ATG10: variants seen among roughly 807,000 people sequenced by gnomAD.
ATG10 encodes the protein ubiquitin-like-conjugating enzyme ATG10.
A neutral mutation model predicts 32.1 loss-of-function variants in ATG10; 30 were observed. That is an observed-to-expected ratio of 0.94 (90% CI 0.70 to 1.27). The LOEUF is 1.27. ATG10 is among the 50% of genes most tolerant of loss of function. ATG10 has a pLI of 0.00. For synonymous variants in ATG10, 87 were observed against 91.5 expected (o/e 0.95, Z 0.28); for missense variants, 233 against 262.3 (o/e 0.89, Z 0.77).
intron 5 of ATG10, among the ~76,000 whole-genome samples, chr5:82,185,887 T>C (rs1206543633): frequency 6.6e-6 from 1 of 152,238 alleles, no homozygotes; most frequent in African/African-American, 2.4e-5. Flanking sequence ...TTTAGGCATC[T>C]CTTTTACACA....
chr5:82,088,395 A>G (rs546208825), intron 3 of ATG10, among the ~76,000 whole-genome samples: 1 of 152,310 alleles, frequency 6.6e-6, no homozygotes, highest in African/African-American at 2.4e-5. Flanking sequence ...TAGAGAAGGG[A>G]AAAATTGCAA....
intron 5 of ATG10, among the ~76,000 whole-genome samples, chr5:82,216,799 G>A (rs1745698357): frequency 6.6e-6 from 1 of 152,196 alleles, no homozygotes; most frequent in Admixed American, 6.5e-5. Flanking sequence ...GCTCATGCCT[G>A]TAATCCCAGC....
intron 5 of ATG10, among the ~76,000 whole-genome samples, chr5:82,199,882 A>G (rs1398691581): frequency 6.6e-6 from 1 of 152,154 alleles, no homozygotes; most frequent in Non-Finnish European, 1.5e-5. Context: ...AATGTCATAT[A>G]TGGATTTCTA....
chr5:82,206,341 A>G (rs139548329), intron 5 of ATG10, among the ~76,000 whole-genome samples: 167 of 152,236 alleles, frequency 1.1e-3, no homozygotes, highest in African/African-American at 3.9e-3. Flanking sequence ...TGTATATCAA[A>G]GGAACTGATT....
intron 7 of ATG10, among the ~76,000 whole-genome samples, chr5:82,253,858 G>A (rs1454814923): frequency 6.6e-6 from 1 of 152,106 alleles, no homozygotes; most frequent in Non-Finnish European, 1.5e-5. Flanking sequence ...TCTCCCATTC[G>A]GTCTGTGAAA....
chr5:82,226,187 A>T (rs1746123530), intron 5 of ATG10, among the ~76,000 whole-genome samples: 1 of 152,174 alleles, frequency 6.6e-6, no homozygotes, highest in African/African-American at 2.4e-5. Flanking sequence ...CTCTCTGTAG[A>T]TCTGAACATC....
At chr5:81,999,954 G>T (rs1313941136) in intron 2 of ATG10, among the ~76,000 whole-genome samples, 1 of 152,142 alleles carries the variant, frequency 6.6e-6, no homozygotes, top group Non-Finnish European at 1.5e-5. Flanking sequence ...GTGTAAAGAA[G>T]AACTGGTACT....
At chr5:82,218,010 C>A (rs375470735) in intron 5 of ATG10, among the ~76,000 whole-genome samples, 35 of 150,550 alleles carry the variant, frequency 2.3e-4, no homozygotes, top group African/African-American at 8.1e-4. Flanking sequence ...AACAAAAAAA[C>A]AGCTGCATAA....
chr5:81,974,952 T>C (rs1760826858), intron 1 of ATG10, among the ~76,000 whole-genome samples: 1 of 152,174 alleles, frequency 6.6e-6, no homozygotes. Context: ...TATCCTCCTA[T>C]AATTCAAGGA....
At chr5:82,000,276 A>G (rs555817054) in intron 2 of ATG10, among the ~76,000 whole-genome samples, 113 of 152,302 alleles carry the variant, frequency 7.4e-4, no homozygotes, top group Non-Finnish European at 1.2e-3. Flanking sequence ...ATTTCTTCAT[A>G]TTAAAAACCC....
chr5:82,172,699 A>G lies in ATG10; in HGVS notation c.356-5791A>G, dbSNP rs185112796. On this transcript the variant is annotated intron_variant, in intron 4 of 7. Transcript: ENST00000282185. ...CTTTCATTCAAATAACTGAAATTTA[A>G]GAACCATATAGGTTAAATTAATTAA... 3.2e-3 allele frequency among the ~76,000 whole-genome samples: 486 copies of G among 152,342 alleles called. 3 individuals carry two copies. Among genetic ancestry groups the G allele is most frequent in the South Asian group, 8.9e-3 (43 of 4,824 alleles).
At chr5:82,087,159 A>G (rs1383649153) in intron 3 of ATG10, among the ~76,000 whole-genome samples, 1 of 152,206 alleles carries the variant, frequency 6.6e-6, no homozygotes, top group Non-Finnish European at 1.5e-5. Flanking sequence ...TTATGCATCA[A>G]AAGTCAAATG....
At chr5:82,042,279 CT>C (rs1242049684) in intron 2 of ATG10, among the ~76,000 whole-genome samples, 1 of 152,138 alleles carries the variant, frequency 6.6e-6, no homozygotes, top group Non-Finnish European at 1.5e-5. Context: ...AAAGGGGGAA[CT>C]GCCACACACT....
intron 2 of ATG10, among the ~76,000 whole-genome samples, chr5:82,052,526 C>T (rs1329271640): frequency 6.6e-6 from 1 of 152,070 alleles, no homozygotes; most frequent in African/African-American, 2.4e-5. Flanking sequence ...GTGCAAAGGG[C>T]AATTAATTAT....
chr5:81,982,819 C>T (rs551909800), intron 1 of ATG10, among the ~76,000 whole-genome samples: 3 of 152,290 alleles, frequency 2.0e-5, no homozygotes, highest in South Asian at 4.1e-4. Context: ...TCTTGCACCG[C>T]CCTTAATCCA....
intron 5 of ATG10, among the ~76,000 whole-genome samples, chr5:82,222,050 G>A (rs868095269): frequency 1.3e-5 from 2 of 152,322 alleles, no homozygotes; most frequent in Non-Finnish European, 1.5e-5. Flanking sequence ...AGAAACAGAA[G>A]TTAGAGAAAA....
At chr5:82,060,481 G>T (rs1011808443) in intron 3 of ATG10, among the ~76,000 whole-genome samples, 5 of 152,170 alleles carry the variant, frequency 3.3e-5, no homozygotes, top group African/African-American at 1.2e-4. Flanking sequence ...ATATACAATA[G>T]TAATGGATTG....
At chr5:82,082,775 T>C (rs1463376668) in intron 3 of ATG10, among the ~76,000 whole-genome samples, 1 of 152,210 alleles carries the variant, frequency 6.6e-6, no homozygotes, top group Non-Finnish European at 1.5e-5. Context: ...TAGAGATATA[T>C]TTATAATTTT....
At chr5:82,151,534 A>T (rs764691869) in intron 3 of ATG10, among the ~76,000 whole-genome samples, 23 of 151,886 alleles carry the variant, frequency 1.5e-4, no homozygotes, top group Non-Finnish European at 2.2e-4. Context: ...TGTGCCCTGG[A>T]TATCTGGGAT....
Sources: gnomAD v4.1 joint callset for allele counts (sites outside exome capture counted in the v4.1 genomes callset) on GRCh38, gnomAD v4.1.1 for gene constraint, MANE v1.5 for transcripts, NCBI Gene and HGNC (gene_info 2026-07-23, HGNC 2026-07-21) for gene names.